CC2D2A: variants seen among roughly 807,000 people sequenced by gnomAD.
The protein encoded by CC2D2A is coiled-coil and C2 domain containing 2A, also known as coiled-coil and C2 domain-containing protein 2A.
A neutral mutation model predicts 212.9 loss-of-function variants in CC2D2A; 155 were observed. The observed-to-expected ratio is 0.73, with a 90% confidence interval of 0.64 to 0.83. CC2D2A has a LOEUF of 0.83. Ranked by LOEUF, CC2D2A falls within the 40% of genes least tolerant of loss-of-function variation. The pLI, the probability that CC2D2A is intolerant of heterozygous loss-of-function variation, is 0.00. For synonymous variants in CC2D2A, 667 were observed against 686.5 expected (o/e 0.97, Z 0.44); for missense variants, 1,856 against 1,956.2 (o/e 0.95, Z 0.97).
At chr4:15,497,772 A>T (rs754282691) in intron 4 of CC2D2A, among the ~76,000 whole-genome samples, 8 of 150,642 alleles carry the variant, frequency 5.3e-5, no homozygotes, top group Non-Finnish European at 9.0e-5. Flanking sequence ...ACATCTTTTC[A>T]TGTGCTAGTT....
chr4:15,536,108 C>G (rs1337234161), intron 14 of CC2D2A, among the ~76,000 whole-genome samples: 2 of 152,166 alleles, frequency 1.3e-5, no homozygotes, highest in Admixed American at 6.5e-5. Flanking sequence ...GGGCTGATCT[C>G]CTGGTGGAGT....
At chr4:15,500,120 T>C (rs1715859418) in intron 4 of CC2D2A, among the ~76,000 whole-genome samples, 1 of 146,224 alleles carries the variant, frequency 6.8e-6, no homozygotes, top group Non-Finnish European at 1.5e-5. Context: ...TATATATATA[T>C]ATATATATAT....
intron 23 of CC2D2A, chr4:15,561,485 G>A (rs1479999605): frequency 6.6e-6 from 1 of 151,630 alleles, no homozygotes; most frequent in Non-Finnish European, 1.5e-5. Flanking sequence ...GTCATTGAAT[G>A]TTTTCAAAGT....
In CC2D2A at chr4:15,587,884, T is replaced by A; in HGVS notation, c.4134T>A (p.Ser1378=). The part of the protein sequence containing the change: ...HAVLLCNYFL[S]LGKKAWLLMG... Reference sequence around the variant, plus strand: ...TACTATTGTGTAATTACTTTCTGTCTCTGGGTAAGAAGGCCTGGCTGTTGA... The same window carrying A: ...TACTATTGTGTAATTACTTTCTGTCACTGGGTAAGAAGGCCTGGCTGTTGA... The change falls in exon 32 of 37, where the codon TCT becomes TCA. Residue 1378 remains serine, a synonymous_variant. Coordinates refer to ENST00000424120, the MANE Select transcript of CC2D2A (RefSeq NM_001378615.1). The A allele has an allele frequency of 6.2e-7, 1 of 1,613,546 alleles. No individual in the cohort carries two copies. The highest frequency in any genetic ancestry group is 8.5e-7 in the Non-Finnish European group (1 of 1,179,524).
intron 6 of CC2D2A, among the ~76,000 whole-genome samples, chr4:15,509,147 A>G (rs1317568519): frequency 6.6e-6 from 1 of 152,214 alleles, no homozygotes; most frequent in Admixed American, 6.5e-5. Context: ...CAGTGAGGAC[A>G]GGCCATGTAC....
intron 27 of CC2D2A, among the ~76,000 whole-genome samples, chr4:15,569,747 T>C (rs1720071197): frequency 6.6e-6 from 1 of 152,238 alleles, no homozygotes. Context: ...TAAATTACTG[T>C]ATTTTGCAAG....
intron 17 of CC2D2A, among the ~76,000 whole-genome samples, chr4:15,542,143 T>C (rs980876873): frequency 5.9e-5 from 9 of 152,224 alleles, no homozygotes; most frequent in African/African-American, 1.7e-4. Flanking sequence ...AATATGATCT[T>C]ATCTTCATCC....
intron 33 of CC2D2A, among the ~76,000 whole-genome samples, chr4:15,591,912 CCTCTT>C (rs1291440871): frequency 6.6e-6 from 1 of 152,174 alleles, no homozygotes; most frequent in African/African-American, 2.4e-5. Flanking sequence ...ATTCTTTTCT[CCTCTT>C]CTCTGAGATG....
At chr4:15,557,662 T>C (rs1275259864) in intron 21 of CC2D2A, among the ~76,000 whole-genome samples, 155 bp downstream of exon 21, 1 of 152,220 alleles carries the variant, frequency 6.6e-6, no homozygotes, top group Non-Finnish European at 1.5e-5. Flanking sequence ...TCCATGCTTT[T>C]TCTTGAATTC....
rs1233425104 is a variant in CC2D2A, at chr4:15,511,320, G to C, written c.614G>C (p.Gly205Ala). ...FTFNFDPEPE[G>A]SEEKPKARHR... ...TTCAACTTTGATCCCGAACCAGAAG[G>C]ATCAGAGGAAAAACCAAAAGCAAGA... The change falls in exon 8 of 37, where the codon GGA (glycine) becomes GCA (alanine). Residue 205 changes from glycine (G) to alanine (A), a missense_variant. Around this residue, in one of 5 missense-constraint regions of CC2D2A, gnomAD observed 1,512 missense variants for 1,579.3 expected, o/e 0.96. Coordinates refer to ENST00000424120, the MANE Select transcript of CC2D2A (RefSeq NM_001378615.1). The C allele has an allele frequency of 8.1e-6, 13 of 1,601,096 alleles. No individual in the cohort carries two copies. Among genetic ancestry groups the C allele is most frequent in the Non-Finnish European group, 1.1e-5 (13 of 1,175,316 alleles).
At chr4:15,573,990 G>A (rs963999801) in intron 28 of CC2D2A, among the ~76,000 whole-genome samples, 160 bp from the exon 29 acceptor site, 11 of 152,180 alleles carry the variant, frequency 7.2e-5, no homozygotes, top group Admixed American at 5.2e-4. Flanking sequence ...CCTTTCTGGC[G>A]AGTGCTTAGA....
chr4:15,599,524 A>G lies in CC2D2A; in HGVS notation c.4497-5A>G. 1.3e-6 allele frequency: 2 copies of G among 1,523,164 alleles called. No individual in the cohort carries two copies. The highest frequency in any genetic ancestry group is 4.6e-5 in the East Asian group (2 of 43,278). The allele number at this position is 1,523,164 out of a possible 1,614,324, so 94.4% of individuals were successfully genotyped here. On this transcript the variant is annotated splice_polypyrimidine_tract_variant and splice_region_variant and intron_variant, in intron 35 of 36. Coordinates refer to ENST00000424120, the MANE Select transcript of CC2D2A (RefSeq NM_001378615.1). ...CAAAAAATGGAATTTATGTTTTGTG[A>G]ACAGGATTGAAAAAATACTAAAAGA...
intron 33 of CC2D2A, among the ~76,000 whole-genome samples, chr4:15,591,661 C>T (rs1577400633): frequency 2.0e-5 from 3 of 152,260 alleles, no homozygotes; most frequent in Middle Eastern, 6.8e-3. Flanking sequence ...CACTGTGGAA[C>T]ACCATTCTCA....
chr4:15,589,712 A>G, intron 33 of CC2D2A, 33 bp downstream of exon 33: 4 of 1,409,986 alleles, frequency 2.8e-6, no homozygotes, highest in Non-Finnish European at 2.8e-6. Context: ...AAATATGGTT[A>G]GCTGTCGTTT....
At chr4:15,536,566 A>C (rs565814618) in intron 14 of CC2D2A, among the ~76,000 whole-genome samples, 1 of 152,264 alleles carries the variant, frequency 6.6e-6, no homozygotes, top group East Asian at 1.9e-4. Flanking sequence ...TAACTAATGA[A>C]ATTTCCACCA....
intron 18 of CC2D2A, among the ~76,000 whole-genome samples, chr4:15,552,673 CT>C (rs1463167304): frequency 1.8e-4 from 28 of 152,304 alleles, no homozygotes; most frequent in African/African-American, 6.0e-4. Context: ...ATCAGAAGTT[CT>C]TTTCTTTCTC....
chr4:15,514,917 C>T (rs558193907), intron 9 of CC2D2A, 48 bp downstream of exon 9: 1 of 1,562,834 alleles, frequency 6.4e-7, no homozygotes, highest in East Asian at 2.3e-5. Flanking sequence ...TCGTCACTTA[C>T]CTTGTCATGA....
chr4:15,480,659 A>T (rs776852514), intron 3 of CC2D2A, 45 bp from the exon 4 acceptor site: 1 of 1,581,468 alleles, frequency 6.3e-7, no homozygotes, highest in Non-Finnish European at 8.6e-7. Context: ...AACAGACTCA[A>T]ATAAAGTCCT....
At chr4:15,559,742 C>A (rs1719475598) in intron 22 of CC2D2A, among the ~76,000 whole-genome samples, 1 of 152,026 alleles carries the variant, frequency 6.6e-6, no homozygotes, top group African/African-American at 2.4e-5. Context: ...TGCATTTTCC[C>A]CATCCAGTGT....
Sources: gnomAD v4.1 joint callset for allele counts (sites outside exome capture counted in the v4.1 genomes callset) on GRCh38, gnomAD v4.1.1 for gene constraint, gnomAD v4.1.1 regional missense constraint, MANE v1.5 for transcripts, NCBI Gene and HGNC (gene_info 2026-07-23, HGNC 2026-07-21) for gene names.